The following TRMT13 variants were observed in gnomAD, a reference collection of about 807,000 sequenced individuals.
TRMT13 encodes the protein tRNA methyltransferase 13.
In TRMT13, 45 loss-of-function variants were observed where a neutral mutation model predicts 55.9. That is an observed-to-expected ratio of 0.80 (90% CI 0.63 to 1.03). The LOEUF (loss-of-function observed/expected upper bound fraction) is 1.03, where lower values mean the gene tolerates loss of function less well. Ranked by LOEUF, TRMT13 falls within the 50% of genes least tolerant of loss-of-function variation. The pLI, the probability that TRMT13 is intolerant of heterozygous loss-of-function variation, is 0.00. For missense variants in TRMT13, 513 were observed against 563.9 expected (o/e 0.91, Z 0.91); for synonymous variants, 183 against 196.3 (o/e 0.93, Z 0.57).
rs1354237397 is a variant in TRMT13, at chr1:100,149,558, T to C, written c.*738T>C. The C allele has an allele frequency of 1.0e-5, 9 of 899,362 alleles. No individual in the cohort carries two copies. The allele number at this position is 899,362 out of a possible 1,614,324, so 55.7% of individuals were successfully genotyped here. On this transcript the variant is annotated 3_prime_UTR_variant, in exon 11 of 11. Transcript: ENST00000370141. ...ATTTGAAATAATTTCTGAAGTTGAT[T>C]AGCTATCTCATATCTTTTATCAGGT...
At chr1:100,147,217 A>C (rs947741247) in intron 9 of TRMT13, among the ~76,000 whole-genome samples, 1 of 152,210 alleles carries the variant, frequency 6.6e-6, no homozygotes, top group Non-Finnish European at 1.5e-5. Context: ...AAATATACTA[A>C]AATATTTTCA....
intron 7 of TRMT13, among the ~76,000 whole-genome samples, chr1:100,141,626 C>G (rs2101731781): frequency 6.6e-6 from 1 of 152,224 alleles, no homozygotes; most frequent in Non-Finnish European, 1.5e-5. Context: ...GCCACTGTGC[C>G]CAGCCACTTT....
chr1:100,135,413 A>G (rs904136831), intron 1 of TRMT13, among the ~76,000 whole-genome samples: 1 of 152,230 alleles, frequency 6.6e-6, no homozygotes, highest in Non-Finnish European at 1.5e-5. Flanking sequence ...CTTTCCCATG[A>G]AATTCAGTGT....
chr1:100,142,822 G>A, intron 7 of TRMT13: 1 of 295,088 alleles, frequency 3.4e-6, no homozygotes, highest in Non-Finnish European at 6.3e-6. Context: ...TAGTACACCA[G>A]GAGTGACAAA....
rs1279229645 is a variant in TRMT13, at chr1:100,148,130, A to G, written c.1054A>G (p.Arg352Gly). Residue 352 changes from arginine (R) to glycine (G), a missense_variant, in exon 10 of 11, where the codon AGG becomes GGG. Arg to Gly is a moderately radical substitution (Grantham distance 125). This residue lies in a region of TRMT13 where 209 missense variants were observed against 255.8 expected (regional missense o/e 0.82). Transcript: ENST00000370141. ...ACATTATGTGGGCAAAGAATATTTC[A>G]GGGCTCTAGGCCTTGGAGCAGTGGA... ...WRHYVGKEYFRALGLGAVEFH... is the reference protein window; with the variant it reads ...WRHYVGKEYFGALGLGAVEFH... 6.2e-7 allele frequency: 1 copy of G among 1,614,116 alleles called. No individual in the cohort carries two copies. The highest frequency in any genetic ancestry group is 8.5e-7 in the Non-Finnish European group (1 of 1,180,038).
Position 100,140,462 on chromosome 1 carries a change from C to T in TRMT13, c.449C>T (p.Ala150Val), listed in dbSNP as rs770979011. ...ATGTCCCATCCAGCATTACACGATGCACTTAATGACCCTAAAAATGGCGAT... is the reference window on the plus strand; with the variant it reads ...ATGTCCCATCCAGCATTACACGATGTACTTAATGACCCTAAAAATGGCGAT... ...HIMSHPALHD[A>V]LNDPKNGDSA... The change falls in exon 6 of 11, where the codon GCA becomes GTA. Residue 150 changes from alanine (A) to valine (V), a missense_variant. Around this residue, in one of 3 missense-constraint regions of TRMT13, gnomAD observed 298 missense variants for 290.3 expected, o/e 1.03. Transcript: ENST00000370141. 44 of 1,613,964 alleles carry T rather than the reference C, an allele frequency of 2.7e-5. No homozygotes were observed. The highest frequency in any genetic ancestry group is 3.6e-5 in the Non-Finnish European group (42 of 1,179,986).
Position 100,148,987 on chromosome 1 carries a change from A to C in TRMT13, c.*167A>C. Reference sequence around the variant, plus strand: ...GCTTTTCTTTTTACTTCAGAAATCCAAACATTAGAGAATTCACCAAAGTAA... The same window carrying C: ...GCTTTTCTTTTTACTTCAGAAATCCCAACATTAGAGAATTCACCAAAGTAA... On this transcript the variant is annotated 3_prime_UTR_variant, in exon 11 of 11. Transcript: ENST00000370141. The C allele has an allele frequency of 7.0e-7, 1 of 1,428,762 alleles. No individual in the cohort carries two copies. Among genetic ancestry groups the C allele is most frequent in the Non-Finnish European group, 9.3e-7 (1 of 1,074,838 alleles). The allele number at this position is 1,428,762 out of a possible 1,614,324, so 88.5% of individuals were successfully genotyped here.
chr1:100,135,496 CACTT>C (rs763644914), intron 1 of TRMT13, among the ~76,000 whole-genome samples: 3 of 152,090 alleles, frequency 2.0e-5, no homozygotes, highest in Admixed American at 6.6e-5. Context: ...TAATAGCAGA[CACTT>C]AGTCACCACT....
intron 8 of TRMT13, 141 bp downstream of exon 8, chr1:100,143,350 TATA>T (rs1211975166): frequency 1.5e-5 from 8 of 529,222 alleles, no homozygotes; most frequent in Non-Finnish European, 2.6e-5. Flanking sequence ...GAATGTTTTA[TATA>T]ATGTTTTTAA....
intron 3 of TRMT13, 74 bp from the exon 4 acceptor site, chr1:100,139,575 G>C (rs1656338846): frequency 1.2e-6 from 1 of 857,182 alleles, no homozygotes; most frequent in Non-Finnish European, 1.9e-6. Flanking sequence ...ATAAAGGGAA[G>C]AATCAGTATT....
At chr1:100,140,310 T>G (rs1275670499) in intron 5 of TRMT13, 59 bp downstream of exon 5, 2 of 1,540,110 alleles carry the variant, frequency 1.3e-6, no homozygotes, top group African/African-American at 2.7e-5. Context: ...GGTATATGAG[T>G]TGATACCATT....
Position 100,133,393 on chromosome 1 carries a change from CTCTT to C in TRMT13, c.147+80_147+83del. ...TCGGTGCTGGAACCCGGCCCCTCCC[CTCTT>C]TGACAGCTTTCTGCTTGTGTCCCCT... On this transcript the variant is annotated intron_variant, in intron 1 of 10. Transcript: ENST00000370141. 2.0e-6 allele frequency: 3 copies of C among 1,483,358 alleles called. No homozygotes were observed. The South Asian group carries it at 3.8e-5, about 19-fold the overall frequency. 91.9% of individuals were successfully genotyped at this position (1,483,358 alleles called of 1,614,324 possible). A position where few individuals can be genotyped will look rare whatever the true frequency, so the allele number is the denominator to read the frequency against.
chr1:100,143,101 A>C (rs756318383), intron 7 of TRMT13, 36 bp from the exon 8 acceptor site: 1 of 1,394,654 alleles, frequency 7.2e-7, no homozygotes, highest in Non-Finnish European at 1.0e-6. Flanking sequence ...TTTAAATGTA[A>C]GAAGTGATTA....
chr1:100,146,775 G>A (rs181651740), intron 9 of TRMT13, among the ~76,000 whole-genome samples: 216 of 152,232 alleles, frequency 1.4e-3, no homozygotes, highest in African/African-American at 5.1e-3. Context: ...GAGCTACTGC[G>A]CCTGGCCTGA....
rs372471239 is a variant in TRMT13, at chr1:100,137,040, A to G, written c.216A>G (p.Leu72=). The change falls in exon 3 of 11, where the codon CTA becomes CTG. Residue 72 remains leucine (L), a synonymous_variant. Transcript: ENST00000370141. Reference sequence around the variant, plus strand: ...TTAGCACAGTATATGAAGATCAACTAGCAAAGCATTTGAAAAAATGTAACT... The same window carrying G: ...TTAGCACAGTATATGAAGATCAACTGGCAAAGCATTTGAAAAAATGTAACT... The part of the protein sequence containing the change: ...DPKHTVYEDQ[L]AKHLKKCNSR... 204 of 1,612,872 alleles carry G rather than the reference A, an allele frequency of 1.3e-4. No individual in the cohort carries two copies. Among genetic ancestry groups the G allele is most frequent in the Non-Finnish European group, 1.6e-4 (186 of 1,179,738 alleles).
chr1:100,148,746 C>T lies in TRMT13; in HGVS notation c.1372C>T (p.Pro458Ser). 6.3e-7 allele frequency: 1 copy of T among 1,577,774 alleles called. No homozygotes were observed. Among genetic ancestry groups the T allele is most frequent in the Non-Finnish European group, 8.6e-7 (1 of 1,165,706 alleles). The change falls in exon 11 of 11, where the codon CCT becomes TCT. Residue 458 changes from proline to serine, a missense_variant. By Grantham distance (74) the Pro-to-Ser change is moderately conservative. Coordinates refer to ENST00000370141, the MANE Select transcript of TRMT13 (RefSeq NM_019083.3). ...TCCTGCTTTGCAGTACTATACAGAC[C>T]CTCTGGTGTCTTTGGAAAATGTTTT... is the stretch of plus-strand genomic sequence containing the variant. ...FSPALQYYTD[P>S]LVSLENVLLT... is the part of the protein sequence containing the mutation.
rs1445371909 is a variant in TRMT13 at position 100,143,156 on chromosome 1, A to G, written c.689A>G (p.Lys230Arg). The change falls in exon 8 of 11, where the codon AAG (lysine) becomes AGG (arginine). Residue 230 changes from lysine to arginine, a missense_variant. Lys to Arg is a conservative substitution (Grantham distance 26, BLOSUM62 2). This residue lies in a region of TRMT13 where 298 missense variants were observed against 290.3 expected (regional missense o/e 1.03). Coordinates refer to ENST00000370141, the MANE Select transcript of TRMT13 (RefSeq NM_019083.3). ...TRFKVDGKHR[K>R]KNSVFERLQI... ...GTGCAGGTGGATGGAAAACACAGAA[A>G]GAAAAATTCAGTGTTTGAAAGACTT... 3 of 1,610,168 alleles carry G rather than the reference A, an allele frequency of 1.9e-6. No homozygotes were observed. Among genetic ancestry groups the G allele is most frequent in the South Asian group, 2.2e-5 (2 of 90,694 alleles).
chr1:100,145,965 G>A (rs577801340), intron 9 of TRMT13, among the ~76,000 whole-genome samples: 2 of 152,252 alleles, frequency 1.3e-5, no homozygotes, highest in Admixed American at 1.3e-4. Flanking sequence ...CAAACTCTTT[G>A]ACATAACGTT....
chr1:100,145,968 A>AT (rs1657202022), intron 9 of TRMT13, among the ~76,000 whole-genome samples: 1 of 152,226 alleles, frequency 6.6e-6, no homozygotes, highest in African/African-American at 2.4e-5. Flanking sequence ...ACTCTTTGAC[A>AT]TAACGTTTTA....
Sources: gnomAD v4.1 joint callset for allele counts (sites outside exome capture counted in the v4.1 genomes callset) on GRCh38, gnomAD v4.1.1 for gene constraint, gnomAD v4.1.1 regional missense constraint, MANE v1.5 for transcripts, NCBI Gene and HGNC (gene_info 2026-07-23, HGNC 2026-07-21) for gene names.